COL4A1: variants seen among roughly 807,000 people sequenced by gnomAD.
The protein encoded by COL4A1 is collagen type IV alpha 1 chain.
COL4A1 carries 40 observed loss-of-function variants against 216.6 expected under a neutral mutation model. The observed-to-expected ratio is 0.18, with a 90% CI of 0.14 to 0.24. The LOEUF (loss-of-function observed/expected upper bound fraction) is 0.24, where lower values mean the gene tolerates loss of function less well. COL4A1 is among the 10% of genes least tolerant of loss of function. The pLI is 1.00. For synonymous variants in COL4A1, 839 were observed against 810.7 expected (o/e 1.03, Z -0.59); for missense variants, 1,628 against 2,196.8 (o/e 0.74, Z 5.18).
chr13:110,195,953 C>T (rs1036446690), intron 21 of COL4A1, among the ~76,000 whole-genome samples: 1 of 152,156 alleles, frequency 6.6e-6, no homozygotes, highest in African/African-American at 2.4e-5. Flanking sequence ...CGCCCTGAGT[C>T]CCAGACTATA....
chr13:110,238,112 G>A (rs1881404348), intron 2 of COL4A1, among the ~76,000 whole-genome samples: 1 of 152,224 alleles, frequency 6.6e-6, no homozygotes, highest in South Asian at 2.1e-4. Context: ...AATGTGGACA[G>A]GAGCTGTGAT....
At chr13:110,291,059 G>T (rs958053701) in intron 1 of COL4A1, among the ~76,000 whole-genome samples, 16 of 152,192 alleles carry the variant, frequency 1.1e-4, no homozygotes, top group African/African-American at 3.4e-4. Context: ...GCACAGACGT[G>T]AGTGTCCTGC....
intron 26 of COL4A1, among the ~76,000 whole-genome samples, chr13:110,185,008 T>C (rs1878338391): frequency 6.6e-6 from 1 of 152,146 alleles, no homozygotes; most frequent in Non-Finnish European, 1.5e-5. Flanking sequence ...TAGTCCCTAA[T>C]GGGAATAGGA....
chr13:110,184,915 C>T (rs1485087143), intron 26 of COL4A1, among the ~76,000 whole-genome samples: 1 of 152,026 alleles, frequency 6.6e-6, no homozygotes, highest in Non-Finnish European at 1.5e-5. Context: ...GGTGATCTGC[C>T]CACCTTGGCC....
rs11289908 is a variant in COL4A1, at chr13:110,164,660, GT to G, written c.4150+201del. Among the ~76,000 whole-genome samples, 15,257 of 152,214 alleles carry G rather than the reference GT, an allele frequency of 0.1. 880 individuals are homozygous for G. The highest frequency in any genetic ancestry group is 0.13 in the Non-Finnish European group (8,651 of 68,022). ...TATGTGTTCCTCTAGCTTTTCCTGG[GT>G]TTTCTTCTGGATTTTTTTTAGGTCC... On this transcript the variant is annotated intron_variant, in intron 46 of 51. Coordinates refer to ENST00000375820, the MANE Select transcript of COL4A1 (RefSeq NM_001845.6).
Position 110,210,008 on chromosome 13 carries a change from A to G in COL4A1, c.587T>C (p.Val196Ala). Residue 196 changes from valine (V) to alanine (A), a missense_variant, in exon 10 of 52, where the codon GTT becomes GCT. Physicochemically the swap from Val to Ala is moderately conservative, Grantham distance 64. This residue lies in a region of COL4A1 where 150 missense variants were observed against 211.9 expected (regional missense o/e 0.71). Coordinates refer to ENST00000375820, the MANE Select transcript of COL4A1 (RefSeq NM_001845.6). Reference protein sequence around the residue: ...PPGLPGLQGPVGPPGFTGPPG... With the variant: ...PPGLPGLQGPAGPPGFTGPPG... The stretch of plus-strand genomic sequence containing the variant: ...TGGTCCGGTAAATCCTGGAGGCCCA[A>G]CAGGACCTTGAAGCCCTGGCAGTCC... The G allele has an allele frequency of 1.2e-6, 2 of 1,614,154 alleles. No individual in the cohort carries two copies. Among genetic ancestry groups the G allele is most frequent in the Non-Finnish European group, 1.7e-6 (2 of 1,180,018 alleles).
intron 2 of COL4A1, among the ~76,000 whole-genome samples, chr13:110,235,568 G>C (rs1486115358): frequency 6.6e-6 from 1 of 151,306 alleles, no homozygotes; most frequent in African/African-American, 2.4e-5. Flanking sequence ...GGAGAATGGC[G>C]TGAACCAGTG....
At chr13:110,218,378 T>TACCG (rs1192632106) in intron 2 of COL4A1, among the ~76,000 whole-genome samples, 2 of 152,136 alleles carry the variant, frequency 1.3e-5, no homozygotes, top group Admixed American at 6.6e-5. Context: ...TGAGTACGGG[T>TACCG]ACCGGGTTTG....
Position 110,172,735 on chromosome 13 carries a change from C to A in COL4A1, c.3541G>T (p.Ala1181Ser). 1 of 1,613,980 alleles carries A rather than the reference C, an allele frequency of 6.2e-7. No homozygotes were observed. Among genetic ancestry groups the A allele is most frequent in the Non-Finnish European group, 8.5e-7 (1 of 1,179,858 alleles). ...PGRGFPGFPG[A>S]KGDKGSKGEV... ...CAAAGATTACCTTTGTCTCCTTTGG[C>A]CCCTGGAAACCCTGGGAATCCTCTT... The change falls in exon 41 of 52, where the codon GCC becomes TCC. Residue 1181 changes from alanine to serine, a missense_variant. Ala to Ser is a moderately conservative substitution (Grantham distance 99). This residue lies in a region of COL4A1 where 345 missense variants were observed against 476.9 expected (regional missense o/e 0.72). Transcript: ENST00000375820.
At chr13:110,196,751 T>C (rs542967082) in intron 21 of COL4A1, among the ~76,000 whole-genome samples, 1 of 152,318 alleles carries the variant, frequency 6.6e-6, no homozygotes, top group East Asian at 1.9e-4. Flanking sequence ...CCACAGATGG[T>C]TTAGAGCTGG....
intron 1 of COL4A1, among the ~76,000 whole-genome samples, chr13:110,269,098 G>T (rs567027627): frequency 2.6e-5 from 4 of 152,132 alleles, no homozygotes; most frequent in Admixed American, 6.5e-5. Flanking sequence ...ACTAACAAAG[G>T]GCTGTGCATA....
intron 44 of COL4A1, among the ~76,000 whole-genome samples, 165 bp from the exon 45 acceptor site, chr13:110,166,468 T>TTCA (rs1374502631): frequency 1.3e-5 from 2 of 152,206 alleles, no homozygotes; most frequent in African/African-American, 4.8e-5. Context: ...TATATACACA[T>TTCA]TCATACACCT....
chr13:110,209,366 G>T (rs1879666134), intron 11 of COL4A1, 26 bp downstream of exon 11: 2 of 1,609,180 alleles, frequency 1.2e-6, no homozygotes, highest in South Asian at 1.1e-5. Flanking sequence ...TAATGCCAAA[G>T]AACAAAAAAT....
chr13:110,165,053 TAGA>T, intron 45 of COL4A1, 63 bp from the exon 46 acceptor site: 1 of 1,571,878 alleles, frequency 6.4e-7, no homozygotes, highest in Non-Finnish European at 8.6e-7. Flanking sequence ...GAAACAACTT[TAGA>T]AGGAGAATCC....
chr13:110,269,519 GAT>G (rs1594105514), intron 1 of COL4A1, among the ~76,000 whole-genome samples: 1 of 152,086 alleles, frequency 6.6e-6, no homozygotes, highest in East Asian at 1.9e-4. Context: ...ATGTATTTAT[GAT>G]GATCAGTGTC....
At chr13:110,299,613 G>T (rs1273037582) in intron 1 of COL4A1, among the ~76,000 whole-genome samples, 5 of 152,176 alleles carry the variant, frequency 3.3e-5, no homozygotes, top group African/African-American at 9.7e-5. Flanking sequence ...ACATTTCCCT[G>T]CAGGGCCTGT....
rs184418715 is a variant in COL4A1 at position 110,184,461 on chromosome 13, C to G, written c.1898-1185G>C. On this transcript the variant is annotated intron_variant, in intron 26 of 51. Coordinates refer to ENST00000375820, the MANE Select transcript of COL4A1 (RefSeq NM_001845.6). ...CTCACCGAAGTCCTCCTCCATCAAA[C>G]CCGGTATCCCCTACCTCTAATGGAG... Among the ~76,000 whole-genome samples, 17 of 152,298 alleles carry G rather than the reference C, an allele frequency of 1.1e-4. 1 individual carries two copies. Among genetic ancestry groups the G allele is most frequent in the Admixed American group, 2.0e-4 (3 of 15,302 alleles).
chr13:110,258,413 G>A lies in COL4A1; in HGVS notation c.85-15679C>T, dbSNP rs1424286093. On this transcript the variant is annotated intron_variant, in intron 1 of 51. Coordinates refer to ENST00000375820, the MANE Select transcript of COL4A1 (RefSeq NM_001845.6). ...AAATTAGCCAGGCGTGGTGGCGCAC[G>A]CCTGTAGTCCCAGATACTCGGGCGG... is the stretch of plus-strand genomic sequence containing the variant. Among the ~76,000 whole-genome samples the A allele has an allele frequency of 3.3e-5, 5 of 152,124 alleles. 1 individual carries two copies. Among genetic ancestry groups the A allele is most frequent in the African/African-American group, 1.2e-4 (5 of 41,422 alleles).
chr13:110,300,641 G>A (rs1884455174), intron 1 of COL4A1, among the ~76,000 whole-genome samples: 1 of 152,214 alleles, frequency 6.6e-6, no homozygotes, highest in Non-Finnish European at 1.5e-5. Flanking sequence ...TGAAAATAGA[G>A]CAACTGACAT....
Sources: allele counts gnomAD v4.1 joint callset (sites outside exome capture counted in the v4.1 genomes callset), GRCh38; gene constraint gnomAD v4.1.1; regional missense constraint gnomAD v4.1.1; transcripts MANE v1.5; gene names NCBI Gene and HGNC (gene_info 2026-07-23, HGNC 2026-07-21).